Variants in MACROD2 observed in about 807,000 individuals in gnomAD.
The protein encoded by MACROD2 is ADP-ribose glycohydrolase MACROD2.
Under a neutral mutation model 70.4 loss-of-function variants are expected in MACROD2, and 36 were observed. The observed-to-expected ratio is 0.51, with a 90% CI of 0.39 to 0.68. The LOEUF is 0.68. Ranked by LOEUF, MACROD2 falls within the 30% of genes least tolerant of loss-of-function variation. The pLI, the probability that MACROD2 is intolerant of heterozygous loss-of-function variation, is 0.00. For synonymous variants in MACROD2, 172 were observed against 178.8 expected, an observed-to-expected ratio of 0.96 and a Z score of 0.30; for missense variants, 496 against 538.4, an observed-to-expected ratio of 0.92 and a Z score of 0.78.
At chr20:14,941,712 C>T (rs2074391072) in intron 5 of MACROD2, among the ~76,000 whole-genome samples, 1 of 152,010 alleles carries the variant, frequency 6.6e-6, no homozygotes, top group Non-Finnish European at 1.5e-5. Flanking sequence ...TGTTTCTAAG[C>T]CGCATTTTAG....
intron 3 of MACROD2, among the ~76,000 whole-genome samples, chr20:14,192,862 C>G (rs1173324674): frequency 6.6e-6 from 1 of 152,288 alleles, no homozygotes; most frequent in South Asian, 2.1e-4. Context: ...GCAGATTACC[C>G]AACTCAAAGG....
At chr20:14,664,685 A>T (rs2070718017) in intron 4 of MACROD2, among the ~76,000 whole-genome samples, 1 of 152,086 alleles carries the variant, frequency 6.6e-6, no homozygotes, top group Non-Finnish European at 1.5e-5. Context: ...AGATAAAATA[A>T]TGAAGCTCAC....
intron 8 of MACROD2, among the ~76,000 whole-genome samples, chr20:15,598,164 G>A (rs1048628548): frequency 5.3e-5 from 8 of 152,172 alleles, no homozygotes; most frequent in Non-Finnish European, 1.2e-4. Context: ...GCACCAGCTG[G>A]CAAAGGGGAA....
At chr20:14,983,518 C>T (rs951800477) in intron 5 of MACROD2, among the ~76,000 whole-genome samples, 1 of 151,938 alleles carries the variant, frequency 6.6e-6, no homozygotes, top group Non-Finnish European at 1.5e-5. Flanking sequence ...GCGGGTCTTT[C>T]CTATGCTGTT....
chr20:15,620,317 G>T (rs1441876117), intron 8 of MACROD2, among the ~76,000 whole-genome samples: 4 of 152,152 alleles, frequency 2.6e-5, no homozygotes, highest in African/African-American at 9.7e-5. Context: ...GAGTCTCAGG[G>T]TCTGGGGCCA....
intron 5 of MACROD2, among the ~76,000 whole-genome samples, chr20:14,952,607 A>T (rs766913066): frequency 1.2e-3 from 176 of 152,280 alleles, no homozygotes; most frequent in Non-Finnish European, 2.2e-3. Flanking sequence ...AGTATTGATT[A>T]AAAAATTTTC....
chr20:15,331,999 T>G (rs2077997831), intron 6 of MACROD2, among the ~76,000 whole-genome samples: 1 of 151,462 alleles, frequency 6.6e-6, no homozygotes, highest in Non-Finnish European at 1.5e-5. Flanking sequence ...GGGTCTTATT[T>G]CACTATGATA....
At position 15,876,109 on chromosome 20, in the gene MACROD2, A is replaced by G. The variant is rs6043586; in HGVS notation, c.728-9655A>G. ...ATGTCTTTTATATATATATATATAT[A>G]TATGTGTGTATTTTTTTTATTACAC... On this transcript the variant is annotated intron_variant, in intron 9 of 17. Coordinates refer to ENST00000684519, the MANE Select transcript of MACROD2 (RefSeq NM_001351661.2). Among the ~76,000 whole-genome samples the G allele has an allele frequency of 2.7e-3, 331 of 124,440 alleles. 25 individuals are homozygous for G. Among genetic ancestry groups the G allele is most frequent in the African/African-American group, 0.011 (302 of 26,568 alleles). 81.6% of individuals were successfully genotyped at this position (124,440 alleles called of 152,430 possible). A position where few individuals can be genotyped will look rare whatever the true frequency, so the allele number is the denominator to read the frequency against.
At chr20:14,325,550 T>C (rs920468986) in intron 3 of MACROD2, 4 of 1,602,532 alleles carry the variant, frequency 2.5e-6, no homozygotes, top group Middle Eastern at 1.7e-4. Context: ...CTGTGAGTCC[T>C]TCAGCATCAT....
intron 3 of MACROD2, among the ~76,000 whole-genome samples, chr20:14,256,176 A>T (rs992054269): frequency 6.6e-6 from 1 of 152,070 alleles, no homozygotes; most frequent in African/African-American, 2.4e-5. Context: ...TTTTAGCTGC[A>T]TCTAATCAGC....
At chr20:14,339,756 T>G (rs940189823) in intron 3 of MACROD2, among the ~76,000 whole-genome samples, 13 of 152,214 alleles carry the variant, frequency 8.5e-5, no homozygotes, top group African/African-American at 2.9e-4. Context: ...ATGCCAATTA[T>G]TTTTTGTTGC....
chr20:15,156,918 A>C (rs118714), intron 5 of MACROD2, among the ~76,000 whole-genome samples: 89,517 of 151,938 alleles, frequency 0.59, 26,490 homozygotes, highest in East Asian at 0.65. Flanking sequence ...TAAAAGTAAA[A>C]AGTTTTAAAT....
At chr20:14,506,320 A>C (rs567283717) in intron 4 of MACROD2, among the ~76,000 whole-genome samples, 79 of 152,334 alleles carry the variant, frequency 5.2e-4, no homozygotes, top group Non-Finnish European at 9.7e-4. Flanking sequence ...CAAAAGGCCA[A>C]GAAGAATATA....
At chr20:15,406,654 A>G (rs537824195) in intron 6 of MACROD2, among the ~76,000 whole-genome samples, 1 of 152,280 alleles carries the variant, frequency 6.6e-6, no homozygotes, top group South Asian at 2.1e-4. Flanking sequence ...GCACTTATAT[A>G]AACTTTACTA....
intron 3 of MACROD2, among the ~76,000 whole-genome samples, chr20:14,374,525 C>T (rs1201795428): frequency 1.3e-5 from 2 of 152,064 alleles, no homozygotes; most frequent in Non-Finnish European, 2.9e-5. Context: ...TGAGCATATT[C>T]GATATGGCAA....
chr20:15,447,801 G>A (rs1201289058), intron 7 of MACROD2, among the ~76,000 whole-genome samples: 3 of 152,146 alleles, frequency 2.0e-5, no homozygotes, highest in Non-Finnish European at 4.4e-5. Context: ...GTGTTCTGCC[G>A]CAGGGTGAAG....
At chr20:14,101,132 T>A (rs2054298542) in intron 3 of MACROD2, among the ~76,000 whole-genome samples, 1 of 151,738 alleles carries the variant, frequency 6.6e-6, no homozygotes, top group African/African-American at 2.4e-5. Context: ...TCCCTTGGAT[T>A]TTCTAGGCAT....
chr20:15,289,034 A>G (rs1214881348), intron 6 of MACROD2, among the ~76,000 whole-genome samples: 1 of 152,190 alleles, frequency 6.6e-6, no homozygotes, highest in African/African-American at 2.4e-5. Context: ...GAGTTCATCT[A>G]TGAAGCTAGG....
intron 6 of MACROD2, among the ~76,000 whole-genome samples, chr20:15,395,098 C>G (rs574140731): frequency 1.3e-5 from 2 of 152,316 alleles, no homozygotes; most frequent in South Asian, 4.1e-4. Flanking sequence ...GAAAGATATT[C>G]TCTTTACTCT....
Sources: gnomAD v4.1 joint callset for allele counts (sites outside exome capture counted in the v4.1 genomes callset) on GRCh38, gnomAD v4.1.1 for gene constraint, MANE v1.5 for transcripts, NCBI Gene and HGNC (gene_info 2026-07-23, HGNC 2026-07-21) for gene names.